The following GNAL variants were observed in gnomAD, a reference collection of about 807,000 sequenced individuals.
The protein encoded by GNAL is G protein subunit alpha L.
Under a neutral mutation model 55.1 loss-of-function variants are expected in GNAL, and 18 were observed. That is an observed-to-expected ratio of 0.33 (90% CI 0.23 to 0.48). The LOEUF is 0.48. Ranked by LOEUF, GNAL falls within the 20% of genes least tolerant of loss-of-function variation. GNAL has a pLI of 0.99. For synonymous variants in GNAL, 253 were observed against 237.0 expected (o/e 1.07, Z -0.62); for missense variants, 412 against 614.1 (o/e 0.67, Z 3.48).
chr18:11,742,080 C>T (rs1456515044), intron 1 of GNAL, among the ~76,000 whole-genome samples: 1 of 152,162 alleles, frequency 6.6e-6, no homozygotes. Context: ...TCTGTCTCTA[C>T]CACATTTTGC....
At chr18:11,825,059 T>A in intron 5 of GNAL, 44 bp downstream of exon 5, 2 of 965,068 alleles carry the variant, frequency 2.1e-6, no homozygotes, top group Non-Finnish European at 1.7e-6. Flanking sequence ...TTGAAGAATA[T>A]GATTGCATGC....
At chr18:11,733,872 G>GAA (rs10570693) in intron 1 of GNAL, among the ~76,000 whole-genome samples, 9 of 98,712 alleles carry the variant, frequency 9.1e-5, no homozygotes, top group South Asian at 3.6e-4. Flanking sequence ...GTCTATCACT[G>GAA]AAAAAAAAAA....
At chr18:11,805,588 T>G (rs1327606978) in intron 4 of GNAL, among the ~76,000 whole-genome samples, 1 of 152,168 alleles carries the variant, frequency 6.6e-6, no homozygotes, top group Non-Finnish European at 1.5e-5. Flanking sequence ...AGCTCCCACT[T>G]GTAAGTGAGA....
chr18:11,867,834 A>T (rs1207677581), intron 8 of GNAL, among the ~76,000 whole-genome samples: 2 of 143,972 alleles, frequency 1.4e-5, no homozygotes, highest in Non-Finnish European at 3.0e-5. Flanking sequence ...TAATAATAAT[A>T]AAAAAATTAG....
chr18:11,705,578 G>A (rs891934367), intron 1 of GNAL, among the ~76,000 whole-genome samples: 6 of 152,002 alleles, frequency 3.9e-5, no homozygotes, highest in East Asian at 1.9e-4. Context: ...CACCAGCAGC[G>A]TACAAGGGTT....
chr18:11,750,829 G>T (rs2032801736), intron 1 of GNAL, among the ~76,000 whole-genome samples: 1 of 152,128 alleles, frequency 6.6e-6, no homozygotes, highest in Non-Finnish European at 1.5e-5. Context: ...GGTGTTGTGT[G>T]GTTCAGGTGG....
At chr18:11,867,118 A>G (rs781623038) in intron 7 of GNAL, 50 bp from the exon 8 acceptor site, 2 of 1,407,596 alleles carry the variant, frequency 1.4e-6, no homozygotes, top group Admixed American at 1.7e-5. Context: ...CACGTTTGCC[A>G]TTGTCCCCTG....
intron 4 of GNAL, among the ~76,000 whole-genome samples, chr18:11,818,629 C>T (rs1035152845): frequency 6.6e-6 from 1 of 152,150 alleles, no homozygotes; most frequent in African/African-American, 2.4e-5. Flanking sequence ...AAGGCAGGAA[C>T]GGGGAGAGTG....
At position 11,795,009 on chromosome 18, in the gene GNAL, A is replaced by G. The variant is rs180816154; in HGVS notation, c.625-29909A>G. On this transcript the variant is annotated intron_variant, in intron 4 of 11. Transcript: ENST00000334049. ...CGGCGCCTGCCATCATGCCTGCCTA[A>G]TTTTTGTATTTTTAGTAGAGACAGC... Among the ~76,000 whole-genome samples the G allele has an allele frequency of 4.2e-3, 645 of 152,138 alleles. 8 individuals carry two copies. Among genetic ancestry groups the G allele is most frequent in the Non-Finnish European group, 6.4e-3 (433 of 67,998 alleles).
intron 1 of GNAL, among the ~76,000 whole-genome samples, chr18:11,709,660 C>T (rs147540588): frequency 8.7e-4 from 132 of 152,246 alleles, no homozygotes; most frequent in Non-Finnish European, 1.5e-3. Context: ...TTGTATCCTG[C>T]AACTTTGCTG....
At chr18:11,717,758 C>G (rs2032007807) in intron 1 of GNAL, among the ~76,000 whole-genome samples, 2 of 152,108 alleles carry the variant, frequency 1.3e-5, no homozygotes. Flanking sequence ...CACATGGACC[C>G]ATAGAGGGGA....
intron 1 of GNAL, among the ~76,000 whole-genome samples, chr18:11,705,128 A>G (rs146318878): frequency 6.6e-6 from 1 of 152,258 alleles, no homozygotes; most frequent in East Asian, 1.9e-4. Flanking sequence ...CTCTCCCCCA[A>G]ACCCTAGAAA....
chr18:11,815,307 A>G (rs930526114), intron 4 of GNAL, among the ~76,000 whole-genome samples: 8 of 151,956 alleles, frequency 5.3e-5, no homozygotes, highest in African/African-American at 1.9e-4. Context: ...AGTCACTGCT[A>G]TAAAGAAATA....
Position 11,875,701 on chromosome 18 carries a change from C to T in GNAL, c.1163-920C>T, listed in dbSNP as rs970901245. Among the ~76,000 whole-genome samples the T allele has an allele frequency of 3.9e-5, 6 of 152,140 alleles. No individual in the cohort carries two copies. In the East Asian group the frequency reaches 5.8e-4, roughly 15 times the overall value. ...TAGCAGATACCAGCATCGTGCTTCC[C>T]GTACAGCCTGCAGAACCATGAGCCA... On this transcript the variant is annotated intron_variant, in intron 10 of 11. Transcript: ENST00000334049.
intron 4 of GNAL, 61 bp from the exon 5 acceptor site, chr18:11,824,857 T>TAAA (rs2035199498): frequency 2.2e-6 from 2 of 903,256 alleles, no homozygotes; most frequent in Non-Finnish European, 3.5e-6. Context: ...TTTTTCCTTT[T>TAAA]AACTTTTTAA....
At chr18:11,695,295 C>T (rs1440795320) in intron 1 of GNAL, among the ~76,000 whole-genome samples, 2 of 152,194 alleles carry the variant, frequency 1.3e-5, no homozygotes, top group African/African-American at 2.4e-5. Flanking sequence ...AATACAATCA[C>T]GGGCTGCTGG....
chr18:11,876,006 G>A (rs192068253), intron 10 of GNAL, among the ~76,000 whole-genome samples: 6 of 152,276 alleles, frequency 3.9e-5, no homozygotes, highest in Non-Finnish European at 5.9e-5. Context: ...CCATGAAGGC[G>A]GAGCCCTCGT....
chr18:11,801,828 T>C (rs1027194330), intron 4 of GNAL, among the ~76,000 whole-genome samples: 3 of 151,998 alleles, frequency 2.0e-5, no homozygotes, highest in Non-Finnish European at 4.4e-5. Context: ...CCCTGTGGTC[T>C]GAAGGCTGCA....
intron 4 of GNAL, chr18:11,810,418 A>G (rs1012498423): frequency 6.6e-6 from 1 of 152,334 alleles, no homozygotes; most frequent in African/African-American, 2.4e-5. Flanking sequence ...TTGGTTCCCA[A>G]TTAGGACACT....
Sources: allele counts gnomAD v4.1 joint callset (sites outside exome capture counted in the v4.1 genomes callset), GRCh38; gene constraint gnomAD v4.1.1; transcripts MANE v1.5; gene names NCBI Gene and HGNC (gene_info 2026-07-23, HGNC 2026-07-21).